PDE8B: variants seen among roughly 807,000 people sequenced by gnomAD.
The protein encoded by PDE8B is high affinity cAMP-specific and IBMX-insensitive 3',5'-cyclic phosphodiesterase 8B.
In PDE8B, 26 loss-of-function variants were observed where a neutral mutation model predicts 101.3. The observed-to-expected ratio is 0.26, with a 90% confidence interval of 0.19 to 0.36. The LOEUF (loss-of-function observed/expected upper bound fraction) is 0.36, where lower values mean the gene tolerates loss of function less well. PDE8B is among the 10% of genes least tolerant of loss of function. The pLI, the probability that PDE8B is intolerant of heterozygous loss-of-function variation, is 1.00. For synonymous variants in PDE8B, 424 were observed against 429.3 expected (o/e 0.99, Z 0.15); for missense variants, 810 against 1,163.1 (o/e 0.70, Z 4.42).
Position 77,311,994 on chromosome 5 carries a change from C to G in PDE8B, c.340C>G (p.Gln114Glu). Residue 114 changes from glutamine (Q) to glutamate (E), a missense_variant and splice_region_variant, in exon 2 of 22, where the codon CAG (glutamine) becomes GAG (glutamate). Gln to Glu is a conservative substitution (Grantham distance 29). This residue lies in a region of PDE8B where 251 missense variants were observed against 378.8 expected (regional missense o/e 0.66). Transcript: ENST00000264917. ...TTCTCTTGTGCTGTCCTTTATTTAG[C>G]AGGTGTCTTCTGCGGAGGTGCGCAT... ...ETQTCYTSVKQVSSAEVRIGP... is the reference protein window; with the variant it reads ...ETQTCYTSVKEVSSAEVRIGP... The G allele has an allele frequency of 1.2e-6, 2 of 1,612,666 alleles. No individual in the cohort carries two copies. Among genetic ancestry groups the G allele is most frequent in the East Asian group, 2.2e-5 (1 of 44,872 alleles).
intron 1 of PDE8B, among the ~76,000 whole-genome samples, chr5:77,301,009 A>G (rs1436107799): frequency 6.6e-6 from 1 of 152,222 alleles, no homozygotes; most frequent in Non-Finnish European, 1.5e-5. Context: ...TTAGTGCCCG[A>G]CAAGGATTCA....
chr5:77,334,176 C>A (rs1042753663), intron 5 of PDE8B, among the ~76,000 whole-genome samples: 1 of 152,206 alleles, frequency 6.6e-6, no homozygotes, highest in Non-Finnish European at 1.5e-5. Context: ...GAAGTTGTTT[C>A]CCATCTCTGA....
the PDE8B span, chr5:77,165,283 T>C: frequency 6.6e-6 from 1 of 152,254 alleles, no homozygotes; most frequent in African/African-American, 2.4e-5. Flanking sequence ...ATTTAATTAC[T>C]TGCCTGTATA....
At chr5:77,294,119 C>A (rs2149976385) in intron 1 of PDE8B, among the ~76,000 whole-genome samples, 1 of 152,174 alleles carries the variant, frequency 6.6e-6, no homozygotes, top group Non-Finnish European at 1.5e-5. Flanking sequence ...CCCCTTATAT[C>A]AACTCATAAA....
chr5:77,265,459 C>T (rs916549402), intron 1 of PDE8B, among the ~76,000 whole-genome samples: 2 of 152,104 alleles, frequency 1.3e-5, no homozygotes, highest in Admixed American at 6.5e-5. Flanking sequence ...TGTGCTCTTT[C>T]CAATGTTTGT....
the PDE8B span, among the ~76,000 whole-genome samples, chr5:77,153,422 A>T: frequency 6.6e-6 from 1 of 152,102 alleles, no homozygotes; most frequent in African/African-American, 2.4e-5. Context: ...TCTTTTACTT[A>T]ATTTGTTATA....
chr5:77,314,466 A>G (rs1773351806), intron 2 of PDE8B, among the ~76,000 whole-genome samples: 1 of 152,132 alleles, frequency 6.6e-6, no homozygotes, highest in Non-Finnish European at 1.5e-5. Context: ...CAATGAATCT[A>G]TAGACCAATT....
chr5:77,226,603 G>GACTATTGTTTATAGT (rs1752446907), intron 1 of PDE8B, among the ~76,000 whole-genome samples: 1 of 152,194 alleles, frequency 6.6e-6, no homozygotes, highest in African/African-American at 2.4e-5. Context: ...GTACAATAGT[G>GACTATTGTTTATAGT]ACATAATGTT....
chr5:77,131,260 G>T, the PDE8B span: 9 of 152,236 alleles, frequency 5.9e-5, no homozygotes, highest in East Asian at 1.7e-3. Flanking sequence ...GGCAGACAAA[G>T]AGAACATTGT....
chr5:77,236,233 A>G (rs1754664992), intron 1 of PDE8B, among the ~76,000 whole-genome samples: 1 of 152,208 alleles, frequency 6.6e-6, no homozygotes, highest in Non-Finnish European at 1.5e-5. Context: ...GGGATGGAAT[A>G]AGTGAGAGGG....
the PDE8B span, among the ~76,000 whole-genome samples, chr5:77,173,000 CAT>C: frequency 9.9e-5 from 15 of 152,282 alleles, no homozygotes; most frequent in African/African-American, 3.6e-4. Context: ...CCAATAAACA[CAT>C]ATATAGGGTA....
At chr5:77,155,125 CCTCTCTCTCCCTCCT>C in the PDE8B span, among the ~76,000 whole-genome samples, 1 of 152,136 alleles carries the variant, frequency 6.6e-6, no homozygotes, top group Non-Finnish European at 1.5e-5. Flanking sequence ...AATCTCCCTC[CCTCTCTCTCCCTCCT>C]CTCTCTCTCT....
chr5:77,334,288 C>A (rs1412010905), intron 5 of PDE8B, among the ~76,000 whole-genome samples: 2 of 152,144 alleles, frequency 1.3e-5, no homozygotes, highest in Non-Finnish European at 2.9e-5. Flanking sequence ...GATCTAGGAA[C>A]AAATTGTGCC....
At chr5:77,416,138 C>T (rs191687704) in intron 17 of PDE8B, among the ~76,000 whole-genome samples, 8 of 152,286 alleles carry the variant, frequency 5.3e-5, no homozygotes, top group Non-Finnish European at 8.8e-5. Context: ...CTTGTTGGTG[C>T]CCACCTAAAC....
At chr5:77,277,680 C>G (rs1267451720) in intron 1 of PDE8B, among the ~76,000 whole-genome samples, 2 of 152,152 alleles carry the variant, frequency 1.3e-5, no homozygotes, top group African/African-American at 4.8e-5. Flanking sequence ...CTCTTTTGTT[C>G]ATTTTACAGG....
intron 1 of PDE8B, among the ~76,000 whole-genome samples, chr5:77,236,480 T>A (rs767926508): frequency 2.0e-5 from 3 of 152,148 alleles, no homozygotes; most frequent in Non-Finnish European, 4.4e-5. Flanking sequence ...GAGGAAGAAG[T>A]GTAGTGACTT....
the PDE8B span, among the ~76,000 whole-genome samples, chr5:77,184,691 A>G: frequency 6.6e-6 from 1 of 152,176 alleles, no homozygotes. Flanking sequence ...CTTAAAAAAT[A>G]GAAAGAGGCT....
At chr5:77,144,461 T>C in the PDE8B span, 8 of 152,288 alleles carry the variant, frequency 5.3e-5, no homozygotes, top group East Asian at 7.7e-4. Context: ...GTACGAGTCA[T>C]AGGGACGGTG....
At chr5:77,167,633 C>A in the PDE8B span, among the ~76,000 whole-genome samples, 1 of 152,120 alleles carries the variant, frequency 6.6e-6, no homozygotes, top group Non-Finnish European at 1.5e-5. Context: ...TTCTCCTATC[C>A]AGGAAGAGAG....
Sources: gnomAD v4.1 joint callset for allele counts (sites outside exome capture counted in the v4.1 genomes callset) on GRCh38, gnomAD v4.1.1 for gene constraint, gnomAD v4.1.1 regional missense constraint, MANE v1.5 for transcripts, NCBI Gene and HGNC (gene_info 2026-07-23, HGNC 2026-07-21) for gene names.